PNLDC1: variants seen among roughly 807,000 people sequenced by gnomAD.
The protein encoded by PNLDC1 is PARN like ribonuclease domain containing exonuclease 1.
Under a neutral mutation model 82.0 loss-of-function variants are expected in PNLDC1, and 70 were observed. That is an observed-to-expected ratio of 0.85 (90% CI 0.70 to 1.04). PNLDC1 has a LOEUF of 1.04. Among genes scored for constraint, PNLDC1 ranks in the 50% least tolerant of loss-of-function variants. The pLI, the probability that PNLDC1 is intolerant of heterozygous loss-of-function variation, is 0.00. For synonymous variants in PNLDC1, 280 were observed against 249.3 expected (o/e 1.12, Z -1.16); for missense variants, 631 against 661.1 (o/e 0.95, Z 0.50).
At chr6:159,820,339 C>A in intron 18 of PNLDC1, 115 bp from the exon 19 acceptor site, 1 of 988,698 alleles carries the variant, frequency 1.0e-6, no homozygotes, top group Non-Finnish European at 1.6e-6. Flanking sequence ...GGGAGAGTGA[C>A]AGCAAGAAAG....
At chr6:159,816,626 C>T (rs960413884) in intron 14 of PNLDC1, 30 bp downstream of exon 14, 1 of 1,495,546 alleles carries the variant, frequency 6.7e-7, no homozygotes, top group Admixed American at 2.1e-5. Flanking sequence ...TAAAAGGAAA[C>T]TCACTTTTTT....
intron 7 of PNLDC1, among the ~76,000 whole-genome samples, chr6:159,807,729 G>T (rs1005533986): frequency 2.0e-5 from 3 of 152,168 alleles, no homozygotes; most frequent in African/African-American, 7.2e-5. Context: ...TAGGCCAGTG[G>T]ATTGTAATGT....
chr6:159,819,247 T>G lies in PNLDC1; in HGVS notation c.1434-7T>G. On this transcript the variant is annotated splice_region_variant and splice_polypyrimidine_tract_variant and intron_variant, in intron 17 of 18. Transcript: ENST00000392167. This position sits in a 1 kb window ranked among gnomAD's most constrained non-coding sequence, Gnocchi z 4.6. ...CCTGGCTGACCACAGCAAACTTGTT[T>G]TGGCAGTGCGCGGAACATCCTGAAG... is the stretch of plus-strand genomic sequence containing the variant. 6.2e-7 allele frequency: 1 copy of G among 1,613,794 alleles called. No individual in the cohort carries two copies. The highest frequency in any genetic ancestry group is 1.3e-5 in the African/African-American group (1 of 75,010).
chr6:159,808,706 A>G, intron 7 of PNLDC1, 34 bp from the exon 8 acceptor site: 1 of 1,591,110 alleles, frequency 6.3e-7, no homozygotes, highest in Non-Finnish European at 8.6e-7. Context: ...ACACGGTTCC[A>G]GGTGCTGTGT....
intron 15 of PNLDC1, among the ~76,000 whole-genome samples, chr6:159,817,439 C>T (rs531776647): frequency 4.7e-4 from 72 of 152,352 alleles, no homozygotes; most frequent in African/African-American, 1.6e-3. Context: ...TAGGTTCTGA[C>T]ACCTGTCTCA....
At position 159,820,435 on chromosome 6, in the gene PNLDC1, A is replaced by G. The variant is rs1051292684; in HGVS notation, c.1533-19A>G. The G allele has an allele frequency of 3.1e-6, 5 of 1,613,674 alleles. No individual in the cohort carries two copies. The Admixed American group carries it at 6.7e-5, about 22-fold the overall frequency. On this transcript the variant is annotated intron_variant, in intron 18 of 18. Transcript: ENST00000392167. ...CCTGCTGGGTGCCCCGGCCACTGAC[A>G]CGTGTCATTGTCTTGCAGAGTCTGT... is the stretch of plus-strand genomic sequence containing the variant.
chr6:159,819,231 C>A lies in PNLDC1; in HGVS notation c.1434-23C>A, dbSNP rs540797257. ...CGGCGCCATCCTGCTGCCTGGCTGA[C>A]CACAGCAAACTTGTTTTGGCAGTGC... On this transcript the variant is annotated intron_variant, in intron 17 of 18. Transcript: ENST00000392167. The surrounding 1 kb of genome is among the most constrained non-coding windows in gnomAD (Gnocchi z 4.6). 6.5e-4 allele frequency: 1,056 copies of A among 1,613,360 alleles called. 17 individuals carry two copies. The South Asian group carries it at 0.011, about 17-fold the overall frequency.
intron 7 of PNLDC1, among the ~76,000 whole-genome samples, chr6:159,807,719 T>C (rs1041939426): frequency 6.6e-6 from 1 of 152,236 alleles, no homozygotes; most frequent in Non-Finnish European, 1.5e-5. Context: ...AGGTGTGAGA[T>C]AGGCCAGTGG....
Position 159,813,665 on chromosome 6 carries a change from G to A in PNLDC1, c.995+9G>A, listed in dbSNP as rs755456548. The A allele has an allele frequency of 1.4e-5, 23 of 1,613,068 alleles. No individual in the cohort carries two copies. The highest frequency in any genetic ancestry group is 2.2e-5 in the South Asian group (2 of 91,050). On this transcript the variant is annotated intron_variant, in intron 12 of 18. Transcript: ENST00000392167. The stretch of plus-strand genomic sequence containing the variant: ...TATGAAGTCCTGAACAGGTGAGGAC[G>A]GCGATTCCTGGAGCTACTGCTGGAG...
chr6:159,804,355 C>A (rs1225449120), intron 5 of PNLDC1, among the ~76,000 whole-genome samples, 194 bp from the exon 6 acceptor site: 1 of 152,168 alleles, frequency 6.6e-6, no homozygotes, highest in Non-Finnish European at 1.5e-5. Flanking sequence ...CCACCTGCCT[C>A]GGCCTCCCAA....
In PNLDC1 at chr6:159,800,786, T is replaced by G. The variant is rs1018808364; in HGVS notation, c.91T>G (p.Phe31Val). 1 of 1,614,092 alleles carries G rather than the reference T, an allele frequency of 6.2e-7. No individual in the cohort carries two copies. The highest frequency in any genetic ancestry group is 1.1e-5 in the South Asian group (1 of 91,070). ...EADFVGLDIE[F>V]TGLRSNLSGP... ...CTTCCTGGCAGGTCTGGACATAGAGTTCACGGGCCTTCGTTCTAACCTGTC... is the reference window on the plus strand; with the variant it reads ...CTTCCTGGCAGGTCTGGACATAGAGGTCACGGGCCTTCGTTCTAACCTGTC... Residue 31 changes from phenylalanine (F) to valine (V), a missense_variant, in exon 2 of 19, where the codon TTC becomes GTC. By Grantham distance (50) the Phe-to-Val change is conservative. Transcript: ENST00000392167.
At position 159,818,736 on chromosome 6, in the gene PNLDC1, C is replaced by T. The variant is rs953663586; in HGVS notation, c.1257+82C>T. On this transcript the variant is annotated intron_variant, in intron 16 of 18. Coordinates refer to ENST00000392167, the MANE Select transcript of PNLDC1 (RefSeq NM_001271862.2). ...GAAGCGGCCAGTGCTCTCTGGGACT[C>T]GTGAGAGGGATTTCGGTGGTCGGTG... 33 of 1,388,048 alleles carry T rather than the reference C, an allele frequency of 2.4e-5. No individual in the cohort carries two copies. In the East Asian group the frequency reaches 4.1e-4, roughly 17 times the overall value. The allele number at this position is 1,388,048 out of a possible 1,614,324, so 86.0% of individuals were successfully genotyped here.
rs1554273381 is a variant in PNLDC1, at chr6:159,809,175, CT to C, written c.783+21del. 10 of 1,612,858 alleles carry C rather than the reference CT, an allele frequency of 6.2e-6. No homozygotes were observed. The South Asian group carries it at 1.1e-4, about 18-fold the overall frequency. ...GCCCAGAAGGTAGGAAAACATGTCT[CT>C]TTTCTTGGCCTAAAGGCAGTCTTTA... On this transcript the variant is annotated intron_variant, in intron 9 of 18. Transcript: ENST00000392167.
chr6:159,811,448 A>G (rs1338281024), intron 10 of PNLDC1, among the ~76,000 whole-genome samples: 2 of 152,202 alleles, frequency 1.3e-5, no homozygotes, highest in Non-Finnish European at 2.9e-5. Context: ...AAACTACATT[A>G]ACTACGGTTG....
intron 3 of PNLDC1, among the ~76,000 whole-genome samples, 183 bp downstream of exon 3, chr6:159,801,369 G>T (rs1336328828): frequency 6.6e-6 from 1 of 152,174 alleles, no homozygotes; most frequent in Non-Finnish European, 1.5e-5. Flanking sequence ...AAATTTAGCA[G>T]CATTGTTTCC....
intron 7 of PNLDC1, among the ~76,000 whole-genome samples, chr6:159,808,363 GTTAT>G (rs1011156125): frequency 1.3e-5 from 2 of 152,160 alleles, no homozygotes; most frequent in Non-Finnish European, 2.9e-5. Context: ...TTAGAAAATA[GTTAT>G]TTTTTATAAG....
intron 1 of PNLDC1, 123 bp downstream of exon 1, chr6:159,800,506 G>C (rs1208438393): frequency 7.6e-7 from 1 of 1,314,552 alleles, no homozygotes; most frequent in Non-Finnish European, 1.0e-6. Flanking sequence ...GGAAGGACAG[G>C]GGGGCTTCCT....
rs1462733649 is a variant in PNLDC1, at chr6:159,818,954, T to C, written c.1266T>C (p.Ser422=). Residue 422 remains serine, a synonymous_variant, in exon 17 of 19, where the codon TCT becomes TCC. Transcript: ENST00000392167. ...TTCTGCATGTTTTCTAGAATTTTTC[T>C]GGTCCAGATTATCCCAGTATCCGAC... ...IRAGVPKINF[S]GPDYPSIRPP... 7 of 1,613,798 alleles carry C rather than the reference T, an allele frequency of 4.3e-6. No individual in the cohort carries two copies. Among genetic ancestry groups the C allele is most frequent in the Non-Finnish European group, 5.9e-6 (7 of 1,179,912 alleles).
chr6:159,808,650 A>G lies in PNLDC1; in HGVS notation c.563-90A>G, dbSNP rs543908007. 6.9e-5 allele frequency: 86 copies of G among 1,240,176 alleles called. 2 individuals are homozygous for G. The South Asian group carries it at 1.0e-3, about 15-fold the overall frequency. 76.8% of individuals were successfully genotyped at this position (1,240,176 alleles called of 1,614,324 possible). A position where few individuals can be genotyped will look rare whatever the true frequency, so the allele number is the denominator to read the frequency against. ...AGCTCCCTTTCCACTTGACCTTTCC[A>G]TCTCAGCTTCTGCTCCTCCAGGGCT... On this transcript the variant is annotated intron_variant, in intron 7 of 18. Transcript: ENST00000392167.
Sources: allele counts gnomAD v4.1 joint callset (sites outside exome capture counted in the v4.1 genomes callset), GRCh38; gene constraint gnomAD v4.1.1; non-coding constraint Gnocchi (gnomAD v3.1); transcripts MANE v1.5; gene names NCBI Gene and HGNC (gene_info 2026-07-23, HGNC 2026-07-21).